ESR2: variants seen among roughly 807,000 people sequenced by gnomAD.
ESR2 encodes estrogen receptor beta.
A neutral mutation model predicts 49.6 loss-of-function variants in ESR2; 36 were observed. That is an observed-to-expected ratio of 0.73 (90% confidence interval 0.56 to 0.96). The LOEUF (loss-of-function observed/expected upper bound fraction) is 0.96, where lower values mean the gene tolerates loss of function less well. Ranked by LOEUF, ESR2 falls within the 40% of genes least tolerant of loss-of-function variation. ESR2 has a pLI of 0.00. For missense variants in ESR2, 714 were observed against 693.0 expected, an observed-to-expected ratio of 1.03 and a Z score of -0.34; for synonymous variants, 320 against 266.1, an observed-to-expected ratio of 1.20 and a Z score of -1.97.
rs142737037 is a variant in ESR2 at position 64,282,708 on chromosome 14, C to T, written c.278G>A (p.Arg93His). The change falls in exon 2 of 9, where the codon CGC becomes CAC. Residue 93 changes from arginine to histidine, a missense_variant. Physicochemically the swap from Arg to His is conservative, Grantham distance 29. Coordinates refer to ENST00000341099, the MANE Select transcript of ESR2 (RefSeq NM_001437.3). The stretch of plus-strand genomic sequence containing the variant: ...TTCCGCATACAGATGTGATAACTGG[C>T]GATGGACCACTAAAGGAGAAAGGTG... The part of the protein sequence containing the change: ...PGHLSPLVVH[R>H]QLSHLYAEPQ... 97 of 1,614,158 alleles carry T rather than the reference C, an allele frequency of 6.0e-5. No homozygotes were observed. Among genetic ancestry groups the T allele is most frequent in the South Asian group, 1.4e-4 (13 of 91,074 alleles).
At position 64,333,173 on chromosome 14, in the gene ESR2, T is replaced by G. The variant is rs138391381; in HGVS notation, c.-91+4725A>C. On this transcript the variant is annotated intron_variant, in intron 1 of 8. Coordinates refer to the ESR2 transcript ENST00000358599. ...ATGTTATACCAGGCAATAAGTGAAA[T>G]TCCATGAAATTAAACTGATCAATCA... Among the ~76,000 whole-genome samples, 848 of 152,230 alleles carry G rather than the reference T, an allele frequency of 5.6e-3. 8 individuals carry two copies. Among genetic ancestry groups the G allele is most frequent in the African/African-American group, 0.019 (802 of 41,572 alleles).
chr14:64,282,180 C>G (rs1310131236), intron 2 of ESR2, among the ~76,000 whole-genome samples: 1 of 152,126 alleles, frequency 6.6e-6, no homozygotes, highest in African/African-American at 2.4e-5. Context: ...CCTGTCTCTA[C>G]TAAAAATTTA....
chr14:64,227,535 A>G, downstream of ESR2: 5 of 1,614,196 alleles, frequency 3.1e-6, no homozygotes, highest in Non-Finnish European at 4.2e-6. Context: ...TTAGAGGGTC[A>G]CTGCTCCATC....
chr14:64,296,466 C>T (rs1283925404), upstream of ESR2, among the ~76,000 whole-genome samples: 1 of 152,158 alleles, frequency 6.6e-6, no homozygotes, highest in Non-Finnish European at 1.5e-5. Flanking sequence ...ATTCTATTAC[C>T]CCCATTTTAT....
chr14:64,296,935 A>G (rs2987983), upstream of ESR2, among the ~76,000 whole-genome samples: 59,879 of 152,030 alleles, frequency 0.39, 13,007 homozygotes, highest in African/African-American at 0.58. Context: ...AGTGGAGAGG[A>G]TGATTATTCC....
At position 64,280,028 on chromosome 14, in the gene ESR2, A is replaced by G; in HGVS notation, c.488T>C (p.Val163Ala). ...GGCCTTACATCCTTCACACGACCAG[A>G]CTCCATAGTGATATCCCGATGCGTA... ...SDYASGYHYG[V>A]WSCEGCKAFF... Residue 163 changes from valine to alanine, a missense_variant, in exon 3 of 9, where the codon GTC becomes GCC. Physicochemically the swap from Val to Ala is moderately conservative, Grantham distance 64. Coordinates refer to ENST00000341099, the MANE Select transcript of ESR2 (RefSeq NM_001437.3). 1.2e-6 allele frequency: 2 copies of G among 1,614,072 alleles called. No homozygotes were observed. The highest frequency in any genetic ancestry group is 1.7e-6 in the Non-Finnish European group (2 of 1,179,984).
Position 64,229,941 on chromosome 14 carries a change from G to A in ESR2, c.*3196C>T, listed in dbSNP as rs910570717. ...TGCCTGTAATCTCAGCACTTTGGGA[G>A]GCCTTGGCAGGCAGATCGCTGGAGC... On this transcript the variant is annotated 3_prime_UTR_variant, in exon 9 of 9. Transcript: ENST00000341099. Among the ~76,000 whole-genome samples, 2 of 152,150 alleles carry A rather than the reference G, an allele frequency of 1.3e-5. No homozygotes were observed. The highest frequency in any genetic ancestry group is 2.9e-5 in the Non-Finnish European group (2 of 68,036).
At chr14:64,277,574 G>A (rs1240427258) in intron 3 of ESR2, among the ~76,000 whole-genome samples, 1 of 143,916 alleles carries the variant, frequency 6.9e-6, no homozygotes, top group Non-Finnish European at 1.5e-5. Flanking sequence ...GCAGTGAGCC[G>A]AGATTGTGCC....
intron 1 of ESR2, among the ~76,000 whole-genome samples, chr14:64,304,050 C>T (rs2077060321): frequency 6.6e-6 from 1 of 152,204 alleles, no homozygotes; most frequent in Non-Finnish European, 1.5e-5. Flanking sequence ...TGGTGGCTCA[C>T]GCCTGTAATC....
intron 3 of ESR2, among the ~76,000 whole-genome samples, chr14:64,279,183 T>A (rs2076615316): frequency 6.6e-6 from 1 of 152,252 alleles, no homozygotes; most frequent in Non-Finnish European, 1.5e-5. Flanking sequence ...CTTTTCAGGC[T>A]GAATCAATGT....
At chr14:64,228,037 A>T, downstream of ESR2, 1 of 1,464,804 alleles carries the variant, frequency 6.8e-7, no homozygotes, top group African/African-American at 1.4e-5. Context: ...TTACTTGTAT[A>T]CACAGGACCT....
rs922512775 is a variant in ESR2 at position 64,250,804 on chromosome 14, T to G, written c.1092-1125A>C. Among the ~76,000 whole-genome samples, 7 of 152,320 alleles carry G rather than the reference T, an allele frequency of 4.6e-5. No individual in the cohort carries two copies. The East Asian group carries it at 1.4e-3, about 29-fold the overall frequency. On this transcript the variant is annotated intron_variant, in intron 6 of 8. Coordinates refer to ENST00000341099, the MANE Select transcript of ESR2 (RefSeq NM_001437.3). Reference sequence around the variant, plus strand: ...TGGATACACCAGTCCTGCAGAAGTCTTTCCCATTACCTGCCGTACATGGCA... The same window carrying G: ...TGGATACACCAGTCCTGCAGAAGTCGTTCCCATTACCTGCCGTACATGGCA...
intron 6 of ESR2, among the ~76,000 whole-genome samples, chr14:64,255,668 C>T (rs962525889): frequency 4.6e-5 from 7 of 152,198 alleles, no homozygotes; most frequent in African/African-American, 1.7e-4. Flanking sequence ...GATCCTACTC[C>T]CTCAAAGGGG....
At chr14:64,251,546 T>G (rs917612079) in intron 6 of ESR2, among the ~76,000 whole-genome samples, 2 of 152,184 alleles carry the variant, frequency 1.3e-5, no homozygotes, top group South Asian at 4.1e-4. Context: ...CATTTCCTCA[T>G]TAAAATATAT....
chr14:64,289,476 C>T (rs1434296328), intron 1 of ESR2, among the ~76,000 whole-genome samples: 1 of 151,408 alleles, frequency 6.6e-6, no homozygotes, highest in Non-Finnish European at 1.5e-5. Context: ...TGTGCCATTA[C>T]ACTCCAGCCT....
At chr14:64,252,427 A>G (rs1431465915) in intron 6 of ESR2, among the ~76,000 whole-genome samples, 1 of 152,250 alleles carries the variant, frequency 6.6e-6, no homozygotes, top group African/African-American at 2.4e-5. Flanking sequence ...CTATCTGTCC[A>G]TAAACTACTA....
At chr14:64,255,506 A>G (rs1270546544) in intron 6 of ESR2, among the ~76,000 whole-genome samples, 1 of 152,186 alleles carries the variant, frequency 6.6e-6, no homozygotes, top group African/African-American at 2.4e-5. Context: ...CTCTTTGTCA[A>G]CATTGTCACC....
intron 1 of ESR2, among the ~76,000 whole-genome samples, chr14:64,311,902 T>TG (rs1248816844): frequency 6.6e-5 from 10 of 152,266 alleles, no homozygotes; most frequent in East Asian, 3.9e-4. Context: ...GAAGGAATCT[T>TG]GGAACATCAG....
At chr14:64,320,471 T>C (rs1192799228) in intron 1 of ESR2, among the ~76,000 whole-genome samples, 2 of 152,150 alleles carry the variant, frequency 1.3e-5, no homozygotes, top group Non-Finnish European at 2.9e-5. Flanking sequence ...ACACAGGACA[T>C]TTTTAGGGCA....
Sources: gnomAD v4.1 joint callset for allele counts (sites outside exome capture counted in the v4.1 genomes callset) on GRCh38, gnomAD v4.1.1 for gene constraint, MANE v1.5 for transcripts, NCBI Gene and HGNC (gene_info 2026-07-23, HGNC 2026-07-21) for gene names.